SLCO1A2: variants seen among roughly 807,000 people sequenced by gnomAD.
SLCO1A2 encodes OATP-1.
In SLCO1A2, 67 loss-of-function variants were observed where a neutral mutation model predicts 69.0. That is an observed-to-expected ratio of 0.97 (90% CI 0.80 to 1.19). The LOEUF is 1.19. SLCO1A2 is among the 50% of genes most tolerant of loss of function. SLCO1A2 has a pLI of 0.00. For synonymous variants in SLCO1A2, 260 were observed against 265.9 expected (o/e 0.98, Z 0.22); for missense variants, 787 against 793.7 (o/e 0.99, Z 0.10).
chr12:21,390,916 G>A (rs529636470), intron 1 of SLCO1A2, among the ~76,000 whole-genome samples: 9 of 152,264 alleles, frequency 5.9e-5, no homozygotes, highest in Admixed American at 5.2e-4. Flanking sequence ...TCAGCCTTCA[G>A]CTCTGTCTTG....
At chr12:21,373,224 G>A (rs1939927747) in intron 2 of SLCO1A2, 1 of 732,502 alleles carries the variant, frequency 1.4e-6, no homozygotes, top group Admixed American at 2.2e-5. Flanking sequence ...TTTGATCCTT[G>A]TAAATTACGT....
Position 21,280,699 on chromosome 12 carries a change from A to AC in SLCO1A2, c.1611-5276_1611-5275insG, listed in dbSNP as rs1565466852. 1.1e-4 allele frequency among the ~76,000 whole-genome samples: 16 copies of AC among 146,158 alleles called. 1 individual carries two copies. The highest frequency in any genetic ancestry group is 3.5e-3 in the Middle Eastern group (1 of 282). On this transcript the variant is annotated intron_variant, in intron 12 of 14. Coordinates refer to ENST00000683939, the MANE Select transcript of SLCO1A2 (RefSeq NM_001386879.1). ...AGACCAAAAAAAAAAATAAATAAATAAACAAAGAAACATTGGATTTCATCC... is the reference window on the plus strand; with the variant it reads ...AGACCAAAAAAAAAAATAAATAAATACAACAAAGAAACATTGGATTTCATCC...
upstream of SLCO1A2, among the ~76,000 whole-genome samples, chr12:21,397,648 A>C (rs2137179451): frequency 6.6e-6 from 1 of 151,862 alleles, no homozygotes; most frequent in South Asian, 2.1e-4. Context: ...GCAAATGGAA[A>C]AGAACAGAAA....
intron 4 of SLCO1A2, among the ~76,000 whole-genome samples, chr12:21,308,880 T>C (rs1474348203): frequency 6.6e-6 from 1 of 151,762 alleles, no homozygotes; most frequent in African/African-American, 2.4e-5. Context: ...TAAATGTGAA[T>C]AGATAACAAA....
intron 2 of SLCO1A2, among the ~76,000 whole-genome samples, chr12:21,332,276 A>G (rs567078936): frequency 6.6e-6 from 1 of 152,286 alleles, no homozygotes; most frequent in African/African-American, 2.4e-5. Context: ...CTTGCAGGTC[A>G]CAGGTAGATT....
intron 1 of SLCO1A2, among the ~76,000 whole-genome samples, chr12:21,390,280 T>A (rs1941088126): frequency 3.3e-5 from 5 of 152,076 alleles, no homozygotes; most frequent in Admixed American, 3.3e-4. Context: ...CTTACATAGA[T>A]ATGAGTTTCT....
intron 1 of SLCO1A2, among the ~76,000 whole-genome samples, chr12:21,415,286 T>C (rs1941971935): frequency 6.6e-6 from 1 of 152,136 alleles, no homozygotes; most frequent in South Asian, 2.1e-4. Context: ...TACCATTATC[T>C]AGACTTTCAA....
chr12:21,372,129 T>A (rs555361963), intron 2 of SLCO1A2, among the ~76,000 whole-genome samples: 7 of 152,296 alleles, frequency 4.6e-5, no homozygotes, highest in African/African-American at 1.7e-4. Context: ...AGCTAAGCCA[T>A]TCATAATGTT....
chr12:21,418,961 T>C (rs957214880), upstream of SLCO1A2, among the ~76,000 whole-genome samples: 4 of 152,136 alleles, frequency 2.6e-5, no homozygotes, highest in African/African-American at 7.2e-5. Context: ...CACACAAAAA[T>C]TGTATAAAAT....
Position 21,300,586 on chromosome 12 carries a change from A to G in SLCO1A2, c.689-17T>C. 1 of 1,563,216 alleles carries G rather than the reference A, an allele frequency of 6.4e-7. No homozygotes were observed. The highest frequency in any genetic ancestry group is 1.4e-5 in the African/African-American group (1 of 73,736). ...TCAGATCATCTGTAAAAAAATACAC[A>G]CACTGTTATTAGCTTAAGTCAGTAT... is the stretch of plus-strand genomic sequence containing the variant. On this transcript the variant is annotated splice_polypyrimidine_tract_variant and intron_variant, in intron 7 of 14. Coordinates refer to ENST00000683939, the MANE Select transcript of SLCO1A2 (RefSeq NM_001386879.1).
rs751281330 is a variant in SLCO1A2 at position 21,297,593 on chromosome 12, G to T, written c.911-25C>A. ...TCTGAAATGAAAGAATGACAACTGT[G>T]TCAAACGAACTTGGCTTTGCATTTT... On this transcript the variant is annotated intron_variant, in intron 8 of 14. Transcript: ENST00000683939. 4.0e-6 allele frequency: 6 copies of T among 1,500,470 alleles called. No homozygotes were observed. In the South Asian group the frequency reaches 6.6e-5, roughly 17 times the overall value. The allele number at this position is 1,500,470 out of a possible 1,614,324, so 92.9% of individuals were successfully genotyped here.
At chr12:21,385,915 C>T (rs1380386556) in intron 1 of SLCO1A2, among the ~76,000 whole-genome samples, 1 of 152,148 alleles carries the variant, frequency 6.6e-6, no homozygotes, top group Non-Finnish European at 1.5e-5. Context: ...GCAGAAAAGC[C>T]ACTGGAAAAT....
At chr12:21,279,033 T>G (rs1208368886) in intron 12 of SLCO1A2, among the ~76,000 whole-genome samples, 1 of 151,912 alleles carries the variant, frequency 6.6e-6, no homozygotes. Context: ...CAAGCAGAAA[T>G]TCTACAGTTA....
intron 1 of SLCO1A2, among the ~76,000 whole-genome samples, chr12:21,388,309 T>C (rs898289845): frequency 2.4e-4 from 36 of 151,926 alleles, no homozygotes; most frequent in African/African-American, 8.5e-4. Flanking sequence ...TGATATGATT[T>C]GGCTGTGTCT....
chr12:21,302,863 T>C (rs1948889957), intron 6 of SLCO1A2, among the ~76,000 whole-genome samples: 1 of 152,034 alleles, frequency 6.6e-6, no homozygotes, highest in Non-Finnish European at 1.5e-5. Context: ...GGCTAATTTT[T>C]GTGTTTTTAG....
chr12:21,368,694 A>G (rs1939569717), intron 2 of SLCO1A2, among the ~76,000 whole-genome samples: 2 of 152,124 alleles, frequency 1.3e-5, no homozygotes, highest in African/African-American at 4.8e-5. Flanking sequence ...AGGTAGGAAT[A>G]TAGAGTGAGC....
intron 12 of SLCO1A2, among the ~76,000 whole-genome samples, chr12:21,291,170 C>A (rs1046907049): frequency 1.3e-5 from 2 of 152,100 alleles, no homozygotes; most frequent in African/African-American, 4.8e-5. Context: ...AATTCTAACT[C>A]TCATGCAGTG....
Position 21,269,478 on chromosome 12 carries a change from A to T in SLCO1A2, c.*70T>A. The T allele has an allele frequency of 1.7e-6, 2 of 1,163,446 alleles. No individual in the cohort carries two copies. Among genetic ancestry groups the T allele is most frequent in the Non-Finnish European group, 1.2e-6 (1 of 810,764 alleles). The allele number at this position is 1,163,446 out of a possible 1,614,324, so 72.1% of individuals were successfully genotyped here. ...AGAAAAAGTTATCTATTATATCTCT[A>T]CTGATTTTTAAAACAATTAAGTTGT... On this transcript the variant is annotated 3_prime_UTR_variant, in exon 15 of 15. Coordinates refer to ENST00000683939, the MANE Select transcript of SLCO1A2 (RefSeq NM_001386879.1).
chr12:21,357,719 T>C (rs1938482567), intron 2 of SLCO1A2, among the ~76,000 whole-genome samples: 1 of 151,354 alleles, frequency 6.6e-6, no homozygotes. Flanking sequence ...TCTGTGTTTA[T>C]TTTTTTTGTT....
Sources: allele counts gnomAD v4.1 joint callset (sites outside exome capture counted in the v4.1 genomes callset), GRCh38; gene constraint gnomAD v4.1.1; transcripts MANE v1.5; gene names NCBI Gene and HGNC (gene_info 2026-07-23, HGNC 2026-07-21).